TPTE2: variants seen among roughly 807,000 people sequenced by gnomAD.
TPTE2 encodes the protein transmembrane phosphoinositide 3-phosphatase and tensin homolog 2.
In TPTE2, 53 loss-of-function variants were observed where a neutral mutation model predicts 78.6. That is an observed-to-expected ratio of 0.67 (90% CI 0.54 to 0.85). TPTE2 has a LOEUF of 0.85. Ranked by LOEUF, TPTE2 falls within the 40% of genes least tolerant of loss-of-function variation. The pLI, the probability that TPTE2 is intolerant of heterozygous loss-of-function variation, is 0.00. For synonymous variants in TPTE2, 175 were observed against 206.2 expected (o/e 0.85, Z 1.30); for missense variants, 461 against 623.0 (o/e 0.74, Z 2.77).
At chr13:19,425,590 GC>G (rs1566032938) in intron 18 of TPTE2, 1 of 357,348 alleles carries the variant, frequency 2.8e-6, no homozygotes, top group East Asian at 7.4e-5. Flanking sequence ...CCCATACTCC[GC>G]AGGGACCATG....
At chr13:19,497,424 T>C (rs1243072853) in intron 1 of TPTE2, among the ~76,000 whole-genome samples, 80 of 127,064 alleles carry the variant, frequency 6.3e-4, no homozygotes, top group Non-Finnish European at 8.3e-4. Context: ...AAGAGAGCAG[T>C]GGTTCTCCCA....
At chr13:19,554,519 T>G in the TPTE2 span, among the ~76,000 whole-genome samples, 1 of 152,198 alleles carries the variant, frequency 6.6e-6, no homozygotes, top group South Asian at 2.1e-4. Flanking sequence ...CCCCTACTGT[T>G]GAATATTTTG....
chr13:19,551,324 T>C, the TPTE2 span, among the ~76,000 whole-genome samples: 3 of 152,170 alleles, frequency 2.0e-5, no homozygotes, highest in Non-Finnish European at 4.4e-5. Flanking sequence ...GTATGGTGGT[T>C]CACGCCTGTA....
At chr13:19,473,946 G>A (rs1160546643) in exon 6 of TPTE2, 3 of 1,604,716 alleles carry the variant, frequency 1.9e-6, no homozygotes, top group South Asian at 2.2e-5. Flanking sequence ...GAACATCCAT[G>A]AGAAAAAATA....
intron 1 of TPTE2, among the ~76,000 whole-genome samples, chr13:19,526,862 T>C (rs1566077852): frequency 6.6e-6 from 1 of 152,110 alleles, no homozygotes; most frequent in South Asian, 2.1e-4. Flanking sequence ...TTAATATTGA[T>C]GTATAGGTAA....
intron 10 of TPTE2, among the ~76,000 whole-genome samples, chr13:19,462,365 G>C (rs937286894): frequency 7.2e-5 from 11 of 151,816 alleles, no homozygotes; most frequent in Non-Finnish European, 1.3e-4. Flanking sequence ...AGCTCTACTA[G>C]GTATAGTATT....
At chr13:19,463,259 G>C (rs1388566883) in intron 10 of TPTE2, among the ~76,000 whole-genome samples, 1 of 152,178 alleles carries the variant, frequency 6.6e-6, no homozygotes, top group Non-Finnish European at 1.5e-5. Flanking sequence ...GGGATAACAG[G>C]TGTGAACCAC....
chr13:19,506,334 G>A (rs1869035058), upstream of TPTE2, among the ~76,000 whole-genome samples: 1 of 150,364 alleles, frequency 6.7e-6, no homozygotes, highest in African/African-American at 2.4e-5. Context: ...ACTACGCCCG[G>A]CTAATTTTTT....
At position 19,493,448 on chromosome 13, in the gene TPTE2, C is replaced by T. The variant is rs745800058; in HGVS notation, c.65G>A (p.Ser22Asn). Residue 22 changes from serine (S) to asparagine (N), a missense_variant and splice_region_variant, in exon 2 of 20, where the codon AGC becomes AAC. Ser to Asn is a conservative substitution (Grantham distance 46). Coordinates refer to ENST00000400230, the Ensembl canonical transcript of TPTE2. ...CTTTATTTAACTATTTATTACTTAC[C>T]TTTCTTTCGCAGGTGCCTCCTCGGT... The T allele has an allele frequency of 5.6e-6, 9 of 1,613,762 alleles. 1 individual carries two copies. The highest frequency in any genetic ancestry group is 5.5e-5 in the South Asian group (5 of 91,070).
At chr13:19,475,479 GC>G in intron 5 of TPTE2, 93 bp downstream of exon 8, 4 of 1,418,650 alleles carry the variant, frequency 2.8e-6, no homozygotes, top group Non-Finnish European at 1.9e-6. Context: ...GCCCGCCTCA[GC>G]CCCCCAGAGT....
chr13:19,438,558 G>C (rs2137498599), intron 13 of TPTE2: 1 of 347,482 alleles, frequency 2.9e-6, no homozygotes, highest in Admixed American at 6.5e-5. Context: ...TTTTACACCA[G>C]TCTCACATAT....
chr13:19,491,677 T>C (rs1880995513), intron 3 of TPTE2, among the ~76,000 whole-genome samples: 1 of 151,804 alleles, frequency 6.6e-6, no homozygotes, highest in South Asian at 2.1e-4. Context: ...TACAAAAAAT[T>C]AGACGGGCAT....
chr13:19,490,011 C>G (rs777365490), intron 3 of TPTE2, among the ~76,000 whole-genome samples: 12 of 152,104 alleles, frequency 7.9e-5, no homozygotes, highest in Non-Finnish European at 1.2e-4. Flanking sequence ...TGGTTGAACT[C>G]TGAAAATGTA....
chr13:19,507,931 C>T (rs1296531451), upstream of TPTE2, among the ~76,000 whole-genome samples: 2 of 152,176 alleles, frequency 1.3e-5, no homozygotes, highest in Non-Finnish European at 2.9e-5. Flanking sequence ...TCCCAACTCA[C>T]GAATCATTCT....
chr13:19,476,260 T>C (rs548984570), intron 4 of TPTE2, among the ~76,000 whole-genome samples: 1 of 152,012 alleles, frequency 6.6e-6, no homozygotes, highest in East Asian at 2.0e-4. Context: ...GAGCCTCCAA[T>C]AATGCCTCAT....
intron 1 of TPTE2, among the ~76,000 whole-genome samples, chr13:19,499,506 C>T (rs1254059593): frequency 1.5e-5 from 2 of 134,140 alleles, no homozygotes; most frequent in African/African-American, 5.7e-5. Context: ...CACTCAAAAC[C>T]ACTCAACTAC....
chr13:19,542,064 T>A, the TPTE2 span, among the ~76,000 whole-genome samples: 1 of 152,336 alleles, frequency 6.6e-6, no homozygotes, highest in Non-Finnish European at 1.5e-5. Flanking sequence ...AATTTGCCCA[T>A]GAAATTTTCA....
chr13:19,547,974 T>C, the TPTE2 span, among the ~76,000 whole-genome samples: 1 of 151,836 alleles, frequency 6.6e-6, no homozygotes, highest in South Asian at 2.1e-4. Flanking sequence ...AAAATATGTT[T>C]AATAAACCAA....
chr13:19,536,375 A>T (rs565267728), intron 1 of TPTE2, among the ~76,000 whole-genome samples: 4 of 152,326 alleles, frequency 2.6e-5, no homozygotes, highest in Admixed American at 2.6e-4. Flanking sequence ...ACATGAAAGC[A>T]TGAGGAAATG....
Sources: gnomAD v4.1 joint callset for allele counts (sites outside exome capture counted in the v4.1 genomes callset) on GRCh38, gnomAD v4.1.1 for gene constraint, MANE v1.5 for transcripts, NCBI Gene and HGNC (gene_info 2026-07-23, HGNC 2026-07-21) for gene names.